AFF1: variants seen among roughly 807,000 people sequenced by gnomAD.
AFF1 encodes the protein AF4/FMR2 family member 1.
Under a neutral mutation model 121.7 loss-of-function variants are expected in AFF1, and 48 were observed. The ratio of observed to expected loss-of-function variants is 0.39; its 90% CI spans 0.31 to 0.50. The LOEUF (loss-of-function observed/expected upper bound fraction) is 0.50, where lower values mean the gene tolerates loss of function less well. Among genes scored for constraint, AFF1 ranks in the 20% least tolerant of loss-of-function variants. AFF1 has a pLI of 0.76. For synonymous variants in AFF1, 613 were observed against 563.0 expected (o/e 1.09, Z -1.26); for missense variants, 1,523 against 1,511.7 (o/e 1.01, Z -0.12).
intron 2 of AFF1, among the ~76,000 whole-genome samples, chr4:87,029,867 G>T (rs1242982107): frequency 6.6e-6 from 1 of 152,198 alleles, no homozygotes; most frequent in East Asian, 1.9e-4. Context: ...AGATGGGGAA[G>T]AGTCCTGAAG....
intron 2 of AFF1, among the ~76,000 whole-genome samples, chr4:86,956,241 TG>T (rs1247085124): frequency 6.6e-6 from 1 of 152,256 alleles, no homozygotes; most frequent in Non-Finnish European, 1.5e-5. Flanking sequence ...CTGATAAGTA[TG>T]TGTCATTGTC....
At chr4:87,055,251 T>G (rs1403961471) in intron 4 of AFF1, among the ~76,000 whole-genome samples, 1 of 152,208 alleles carries the variant, frequency 6.6e-6, no homozygotes, top group Non-Finnish European at 1.5e-5. Flanking sequence ...TTAAGTAATA[T>G]AGACACAATA....
At position 87,105,842 on chromosome 4, in the gene AFF1, C is replaced by G. The variant is rs772665650; in HGVS notation, c.1373C>G (p.Pro458Arg). Reference sequence around the variant, plus strand: ...AAGCCTCCCTCCTCATCTGCACCTCCAAGGTACCGTGTGGGTTTCTCCCCA... The same window carrying G: ...AAGCCTCCCTCCTCATCTGCACCTCGAAGGTACCGTGTGGGTTTCTCCCCA... ...PEKPPSSSAP[P>R]SAPQSLPEPV... Residue 458 changes from proline (P) to arginine (R), a missense_variant, in exon 10 of 21, where the codon CCA becomes CGA. Transcript: ENST00000395146. The G allele has an allele frequency of 1.9e-6, 3 of 1,614,088 alleles. No individual in the cohort carries two copies. The South Asian group carries it at 3.3e-5, about 18-fold the overall frequency.
At chr4:86,959,070 A>G (rs1441368976) in intron 2 of AFF1, among the ~76,000 whole-genome samples, 1 of 152,238 alleles carries the variant, frequency 6.6e-6, no homozygotes, top group Non-Finnish European at 1.5e-5. Flanking sequence ...GTTATTAAAC[A>G]TCTACAATGC....
chr4:87,097,511 A>G (rs1560622167), intron 8 of AFF1, among the ~76,000 whole-genome samples: 1 of 152,248 alleles, frequency 6.6e-6, no homozygotes, highest in Admixed American at 6.5e-5. Flanking sequence ...GTAGCTAACA[A>G]GTATATCTTG....
intron 2 of AFF1, among the ~76,000 whole-genome samples, chr4:87,034,758 G>A (rs1199333051): frequency 6.6e-6 from 1 of 151,910 alleles, no homozygotes; most frequent in African/African-American, 2.4e-5. Context: ...TTCTAGGTTT[G>A]ATTCATTTGA....
In AFF1 at chr4:86,939,803, C is replaced by G. The variant is rs199513644; in HGVS notation, c.-37+4563C>G. Among the ~76,000 whole-genome samples the G allele has an allele frequency of 6.6e-5, 10 of 152,302 alleles. No individual in the cohort carries two copies. In the East Asian group the frequency reaches 9.7e-4, roughly 15 times the overall value. On this transcript the variant is annotated intron_variant, in intron 1 of 20. Transcript: ENST00000395146. ...ACAGGTGTGCTCCTCTTACCCGTCC[C>G]CCGAGTTTCTGATGCAGCAGGTCTA...
chr4:87,049,613 A>G (rs966570013), intron 4 of AFF1: 12 of 455,126 alleles, frequency 2.6e-5, no homozygotes, highest in East Asian at 7.0e-5. Flanking sequence ...GCTGTCAACA[A>G]TGGAGTAGAA....
At chr4:86,954,753 T>A (rs756632176) in intron 2 of AFF1, among the ~76,000 whole-genome samples, 1 of 152,022 alleles carries the variant, frequency 6.6e-6, no homozygotes, top group East Asian at 1.9e-4. Flanking sequence ...ATAAAATGTA[T>A]TTACTGTTCA....
At chr4:86,957,702 C>G (rs534205202) in intron 2 of AFF1, among the ~76,000 whole-genome samples, 1 of 152,184 alleles carries the variant, frequency 6.6e-6, no homozygotes, top group Admixed American at 6.5e-5. Context: ...GCCACCACAC[C>G]TGGCTAATTT....
rs1359988320 is a variant in AFF1 at position 86,944,234 on chromosome 4, TA to T, written c.-36-4263del. Among the ~76,000 whole-genome samples, 6 of 151,636 alleles carry T rather than the reference TA, an allele frequency of 4.0e-5. No individual in the cohort carries two copies. The East Asian group carries it at 1.2e-3, about 29-fold the overall frequency. ...CCAAAAAAATAACTAGAACAACCAC[TA>T]TCATTTATTGAATGTTTACCATGAG... is the stretch of plus-strand genomic sequence containing the variant. On this transcript the variant is annotated intron_variant, in intron 1 of 20. Coordinates refer to ENST00000395146, the MANE Select transcript of AFF1 (RefSeq NM_001166693.3).
chr4:87,120,714 C>T (rs917583500), intron 12 of AFF1, among the ~76,000 whole-genome samples: 5 of 152,218 alleles, frequency 3.3e-5, no homozygotes, highest in Non-Finnish European at 7.3e-5. Flanking sequence ...CCACTCAGTG[C>T]CCACACACAT....
chr4:87,047,073 C>T lies in AFF1; in HGVS notation c.538C>T (p.His180Tyr). ...RLGQEGFGSS[H>Y]HKKGDRRADG... Reference sequence around the variant, plus strand: ...TGGTCAGGAGGGGTTCGGCTCTAGTCATCACAAGAAAGGTGACCGAAGAGC... The same window carrying T: ...TGGTCAGGAGGGGTTCGGCTCTAGTTATCACAAGAAAGGTGACCGAAGAGC... The change falls in exon 4 of 21, where the codon CAT becomes TAT. Residue 180 changes from histidine (H) to tyrosine (Y), a missense_variant. His to Tyr is a moderately conservative substitution (Grantham distance 83). This residue lies in a region of AFF1 where 369 missense variants were observed against 367.2 expected (regional missense o/e 1.00). Transcript: ENST00000395146. 6.2e-7 allele frequency: 1 copy of T among 1,614,168 alleles called. No individual in the cohort carries two copies. The highest frequency in any genetic ancestry group is 8.5e-7 in the Non-Finnish European group (1 of 1,180,028).
intron 1 of AFF1, among the ~76,000 whole-genome samples, chr4:86,939,213 A>G (rs1720277650): frequency 6.6e-6 from 1 of 152,330 alleles, no homozygotes; most frequent in South Asian, 2.1e-4. Context: ...ATTTAAGCCT[A>G]ATTGTGACTC....
chr4:87,058,273 T>A (rs935966095), intron 4 of AFF1, among the ~76,000 whole-genome samples: 1 of 152,214 alleles, frequency 6.6e-6, no homozygotes, highest in African/African-American at 2.4e-5. Context: ...GGAGTAATGA[T>A]GGCTTATGTA....
At chr4:87,016,826 G>C (rs1422743354) in intron 2 of AFF1, among the ~76,000 whole-genome samples, 2 of 152,054 alleles carry the variant, frequency 1.3e-5, no homozygotes, top group Non-Finnish European at 2.9e-5. Context: ...ATGGTTTCTT[G>C]CATCTGACTC....
intron 1 of AFF1, among the ~76,000 whole-genome samples, chr4:86,947,819 GT>G (rs71831049): frequency 6.6e-4 from 98 of 148,582 alleles, no homozygotes; most frequent in African/African-American, 2.2e-3. Context: ...GTTTTTGTTT[GT>G]TTTTTTTTTG....
chr4:86,980,205 C>T (rs908165303), intron 2 of AFF1, among the ~76,000 whole-genome samples: 1 of 152,156 alleles, frequency 6.6e-6, no homozygotes. Context: ...GCCACTGCAC[C>T]TGGCCCCTAG....
rs545585760 is a variant in AFF1 at position 86,950,297 on chromosome 4, GC to G, written c.38+1728del. On this transcript the variant is annotated intron_variant, in intron 2 of 20. Coordinates refer to ENST00000395146, the MANE Select transcript of AFF1 (RefSeq NM_001166693.3). ...GGGTTCAAGGGATTCCCCTGCCTCAGCCTCCCAATTAGCTGGGACTACAGGC... is the reference window on the plus strand; with the variant it reads ...GGGTTCAAGGGATTCCCCTGCCTCAGCTCCCAATTAGCTGGGACTACAGGC... Among the ~76,000 whole-genome samples, 354 of 152,276 alleles carry G rather than the reference GC, an allele frequency of 2.3e-3. 1 individual carries two copies. The highest frequency in any genetic ancestry group is 3.9e-3 in the Non-Finnish European group (262 of 68,012).
Sources: gnomAD v4.1 joint callset for allele counts (sites outside exome capture counted in the v4.1 genomes callset) on GRCh38, gnomAD v4.1.1 for gene constraint, gnomAD v4.1.1 regional missense constraint, MANE v1.5 for transcripts, NCBI Gene and HGNC (gene_info 2026-07-23, HGNC 2026-07-21) for gene names.